Variants in NOS1 observed in about 807,000 individuals in gnomAD.
NOS1 encodes the protein NOS type I.
In NOS1, 51 loss-of-function variants were observed where a neutral mutation model predicts 164.5. The ratio of observed to expected loss-of-function variants is 0.31; its 90% CI spans 0.25 to 0.39. The LOEUF is 0.39. Ranked by LOEUF, NOS1 falls within the 10% of genes least tolerant of loss-of-function variation. The pLI, the probability that NOS1 is intolerant of heterozygous loss-of-function variation, is 1.00. For missense variants in NOS1, 1,362 were observed against 1,885.6 expected (o/e 0.72, Z 5.14); for synonymous variants, 719 against 745.8 (o/e 0.96, Z 0.59).
In NOS1 at chr12:117,255,936, C is replaced by T. The variant is rs756521893; in HGVS notation, c.2532-2182G>A. On this transcript the variant is annotated intron_variant, in intron 16 of 28. Coordinates refer to ENST00000317775, the MANE Select transcript of NOS1 (RefSeq NM_000620.5). ...GCGTGTACACACATGCACACTCTAC[C>T]TGTGCTGGCTGTCACGGGCTGCAGC... 3 of 1,492,094 alleles carry T rather than the reference C, an allele frequency of 2.0e-6. No individual in the cohort carries two copies. In the Admixed American group the frequency reaches 8.2e-5, roughly 41 times the overall value. 92.4% of individuals were successfully genotyped at this position (1,492,094 alleles called of 1,614,324 possible).
At chr12:117,263,556 C>T (rs1236917240) in intron 13 of NOS1, among the ~76,000 whole-genome samples, 1 of 149,518 alleles carries the variant, frequency 6.7e-6, no homozygotes, top group Non-Finnish European at 1.5e-5. Context: ...AACTGGCAAA[C>T]ATGAAAATCA....
At chr12:117,305,682 A>C (rs980492066) in intron 3 of NOS1, among the ~76,000 whole-genome samples, 1 of 151,996 alleles carries the variant, frequency 6.6e-6, no homozygotes, top group African/African-American at 2.4e-5. Flanking sequence ...TGGGACTCAA[A>C]TATATCTGAG....
chr12:117,328,299 T>C (rs527679518), intron 2 of NOS1, among the ~76,000 whole-genome samples: 10 of 152,048 alleles, frequency 6.6e-5, no homozygotes, highest in African/African-American at 2.2e-4. Context: ...GCCTCCCAAG[T>C]AGCTGGGATT....
chr12:117,334,924 G>A (rs1353818095), intron 1 of NOS1, among the ~76,000 whole-genome samples: 1 of 152,146 alleles, frequency 6.6e-6, no homozygotes, highest in Non-Finnish European at 1.5e-5. Context: ...GCCGCCTCCT[G>A]CCCCAGGGAA....
At chr12:117,335,729 TGAGAGAGAGAGAGAGAGAGAGA>T (rs60613906) in intron 1 of NOS1, among the ~76,000 whole-genome samples, 1 of 112,538 alleles carries the variant, frequency 8.9e-6, no homozygotes, top group Non-Finnish European at 1.8e-5. Context: ...ACAGACTATA[TGAGAGAGAGAGAGAGAGAGAGA>T]GAGAGAGAGA....
At chr12:117,257,667 C>A (rs2135975166) in intron 16 of NOS1, among the ~76,000 whole-genome samples, 1 of 138,834 alleles carries the variant, frequency 7.2e-6, no homozygotes, top group Admixed American at 8.0e-5. Context: ...CCTCAAATTC[C>A]TGGGGCCAAG....
chr12:117,302,549 C>T (rs145894019), intron 3 of NOS1, among the ~76,000 whole-genome samples: 3,818 of 138,764 alleles, frequency 0.028, 180 homozygotes, highest in African/African-American at 0.097. Flanking sequence ...GAGCCGAGAT[C>T]GGGCCACTGC....
At chr12:117,346,288 T>C (rs546709470) in intron 1 of NOS1, among the ~76,000 whole-genome samples, 19 of 152,220 alleles carry the variant, frequency 1.2e-4, no homozygotes, top group Admixed American at 5.2e-4. Flanking sequence ...CTGGCCAACA[T>C]GGTGAAACCC....
chr12:117,346,747 G>A (rs535821972), intron 1 of NOS1, among the ~76,000 whole-genome samples: 6 of 152,182 alleles, frequency 3.9e-5, no homozygotes, highest in East Asian at 1.9e-4. Context: ...ACACTGGTAC[G>A]GTTTGCTTCT....
Position 117,253,699 on chromosome 12 carries a change from A to T in NOS1, c.2587T>A (p.Ser863Thr). 1 of 1,614,012 alleles carries T rather than the reference A, an allele frequency of 6.2e-7. No individual in the cohort carries two copies. Residue 863 changes from serine (S) to threonine (T), a missense_variant, in exon 17 of 29, where the codon TCA becomes ACA. Transcript: ENST00000317775. ...TCTCTGAGGTCGGGCCCATCGCCTG[A>T]TGATTTTTGGGAGTCAGAGTAGGAG... is the stretch of plus-strand genomic sequence containing the variant. ...VSSYSDSQKS[S>T]GDGPDLRDNF... is the part of the protein sequence containing the mutation.
intron 28 of NOS1, among the ~76,000 whole-genome samples, chr12:117,215,878 T>C (rs1956601604): frequency 6.9e-6 from 1 of 144,106 alleles, no homozygotes; most frequent in African/African-American, 2.6e-5. Context: ...ACTTTTTTTT[T>C]TTTTTTTTTT....
intron 27 of NOS1, 57 bp downstream of exon 27, chr12:117,220,018 G>C (rs1040111720): frequency 2.7e-5 from 41 of 1,503,962 alleles, no homozygotes; most frequent in Non-Finnish European, 3.1e-5. Context: ...GATGAAAAAG[G>C]GGGGATAGGA....
At position 117,265,215 on chromosome 12, in the gene NOS1, G is replaced by C; in HGVS notation, c.2136+101C>G. The stretch of plus-strand genomic sequence containing the variant: ...TAGCCACCAGCCACATGTGGCTATT[G>C]AGTGTCCAGAGCACTAGCCTGGGTT... On this transcript the variant is annotated intron_variant, in intron 12 of 28. Coordinates refer to ENST00000317775, the MANE Select transcript of NOS1 (RefSeq NM_000620.5). 2 of 1,046,938 alleles carry C rather than the reference G, an allele frequency of 1.9e-6. 1 individual carries two copies. Among genetic ancestry groups the C allele is most frequent in the African/African-American group, 3.2e-5 (2 of 62,566 alleles). 64.9% of individuals were successfully genotyped at this position (1,046,938 alleles called of 1,614,324 possible).
At chr12:117,267,811 A>G (rs532348013) in intron 11 of NOS1, among the ~76,000 whole-genome samples, 1 of 152,246 alleles carries the variant, frequency 6.6e-6, no homozygotes, top group Admixed American at 6.5e-5. Flanking sequence ...AACAAGACAG[A>G]ACACTCCTCT....
At chr12:117,257,326 T>A (rs1476378953) in intron 16 of NOS1, among the ~76,000 whole-genome samples, 3 of 151,948 alleles carry the variant, frequency 2.0e-5, no homozygotes, top group African/African-American at 4.8e-5. Context: ...CAAGCAATCC[T>A]CCTGCCTCAG....
rs770305866 is a variant in NOS1 at position 117,272,409 on chromosome 12, G to A, written c.1815C>T (p.Asp605=). ...GTEIGVRDYC[D]NSRYNILEEV... ...CCTCCAGGATATTGTAGCGGGAGTT[G>A]TCACAGTAGTCGCGGACACCAATCT... Residue 605 remains aspartate (D), a synonymous_variant, in exon 10 of 29, where the codon GAC becomes GAT. Transcript: ENST00000317775. The surrounding 1 kb of genome is among the most constrained non-coding windows in gnomAD (Gnocchi z 4.3). The A allele has an allele frequency of 2.5e-6, 4 of 1,614,050 alleles. No homozygotes were observed. The highest frequency in any genetic ancestry group is 3.4e-6 in the Non-Finnish European group (4 of 1,180,032).
chr12:117,232,548 G>T (rs1012046738), intron 21 of NOS1, among the ~76,000 whole-genome samples: 1 of 152,026 alleles, frequency 6.6e-6, no homozygotes, highest in African/African-American at 2.4e-5. Flanking sequence ...TATATGCCGA[G>T]TACTATTATT....
At chr12:117,348,997 T>G (rs532739334) in intron 1 of NOS1, among the ~76,000 whole-genome samples, 1 of 152,272 alleles carries the variant, frequency 6.6e-6, no homozygotes, top group Non-Finnish European at 1.5e-5. Context: ...GATATTAACA[T>G]TGGGGAAACT....
intron 1 of NOS1, among the ~76,000 whole-genome samples, chr12:117,353,990 C>T (rs963194705): frequency 4.6e-5 from 7 of 151,918 alleles, no homozygotes; most frequent in Non-Finnish European, 1.0e-4. Flanking sequence ...AAACAAAAAC[C>T]AAATCTCTGC....
Sources: allele counts gnomAD v4.1 joint callset (sites outside exome capture counted in the v4.1 genomes callset), GRCh38; gene constraint gnomAD v4.1.1; non-coding constraint Gnocchi (gnomAD v3.1); transcripts MANE v1.5; gene names NCBI Gene and HGNC (gene_info 2026-07-23, HGNC 2026-07-21).